CTNND2: variants seen among roughly 807,000 people sequenced by gnomAD.
The protein encoded by CTNND2 is catenin delta-2.
A neutral mutation model predicts 144.4 loss-of-function variants in CTNND2; 22 were observed. That is an observed-to-expected ratio of 0.15 (90% CI 0.11 to 0.22). The LOEUF (loss-of-function observed/expected upper bound fraction) is 0.22. Among genes scored for constraint, CTNND2 ranks in the 10% least tolerant of loss-of-function variants. The pLI is 1.00. For missense variants in CTNND2, 1,353 were observed against 1,618.8 expected, an observed-to-expected ratio of 0.84 and a Z score of 2.82; for synonymous variants, 751 against 695.6, an observed-to-expected ratio of 1.08 and a Z score of -1.25.
At chr5:11,271,270 G>A (rs932125160) in intron 9 of CTNND2, among the ~76,000 whole-genome samples, 1 of 152,084 alleles carries the variant, frequency 6.6e-6, no homozygotes, top group Non-Finnish European at 1.5e-5. Flanking sequence ...ACAACCTGTA[G>A]TTAAAAAATG....
At chr5:11,304,972 G>GA (rs1750036179) in intron 9 of CTNND2, among the ~76,000 whole-genome samples, 1 of 141,072 alleles carries the variant, frequency 7.1e-6, no homozygotes, top group South Asian at 2.3e-4. Flanking sequence ...TTGCTTGCTT[G>GA]CTGAATGAAT....
chr5:11,524,576 A>G (rs1014436216), intron 3 of CTNND2, among the ~76,000 whole-genome samples: 1 of 152,170 alleles, frequency 6.6e-6, no homozygotes. Context: ...CCCTGCTCAA[A>G]AGAATTTTAG....
intron 12 of CTNND2, among the ~76,000 whole-genome samples, chr5:11,132,805 T>A (rs1755753792): frequency 6.6e-6 from 1 of 152,114 alleles, no homozygotes; most frequent in African/African-American, 2.4e-5. Flanking sequence ...CCCCATAAGT[T>A]TAAATTGGAA....
At chr5:11,342,305 TA>T (rs1255436660) in intron 9 of CTNND2, among the ~76,000 whole-genome samples, 1 of 152,208 alleles carries the variant, frequency 6.6e-6, no homozygotes, top group Non-Finnish European at 1.5e-5. Context: ...CATAATTCCT[TA>T]AAAGTGCATA....
intron 1 of CTNND2, among the ~76,000 whole-genome samples, chr5:11,886,642 T>C (rs1736554512): frequency 6.6e-6 from 1 of 152,196 alleles, no homozygotes; most frequent in South Asian, 2.1e-4. Flanking sequence ...GTATTTACAT[T>C]TGCTAAATCT....
intron 1 of CTNND2, among the ~76,000 whole-genome samples, chr5:11,776,850 C>T (rs1790282476): frequency 6.6e-6 from 1 of 152,138 alleles, no homozygotes; most frequent in South Asian, 2.1e-4. Context: ...TCTGTATTTA[C>T]AAGTCCTTAA....
intron 1 of CTNND2, among the ~76,000 whole-genome samples, chr5:11,865,110 G>C (rs961501566): frequency 6.6e-6 from 1 of 151,942 alleles, no homozygotes. Flanking sequence ...GGTCAGGCTG[G>C]TCTCAAACTC....
At chr5:11,291,974 C>T (rs553977773) in intron 9 of CTNND2, among the ~76,000 whole-genome samples, 1 of 152,166 alleles carries the variant, frequency 6.6e-6, no homozygotes, top group African/African-American at 2.4e-5. Context: ...CACATCCTGA[C>T]CTATCCACCC....
chr5:11,270,621 T>G (rs1745901008), intron 9 of CTNND2, among the ~76,000 whole-genome samples: 1 of 152,178 alleles, frequency 6.6e-6, no homozygotes, highest in Admixed American at 6.5e-5. Flanking sequence ...GATCCCTGCT[T>G]CAACACATGG....
rs1187363028 is a variant in CTNND2, at chr5:11,412,105, A to T, written c.288-36T>A. 1.9e-6 allele frequency: 3 copies of T among 1,553,688 alleles called. No individual in the cohort carries two copies. In the Admixed American group the frequency reaches 5.0e-5, roughly 26 times the overall value. On this transcript the variant is annotated intron_variant, in intron 3 of 21. Transcript: ENST00000304623. ...GAAAATACAGAGATATAATGCATTGATTAGAAAAGAAAAATAAAACCCTAA... is the reference window on the plus strand; with the variant it reads ...GAAAATACAGAGATATAATGCATTGTTTAGAAAAGAAAAATAAAACCCTAA...
chr5:11,698,240 T>C (rs1213842822), intron 2 of CTNND2, among the ~76,000 whole-genome samples: 10 of 152,192 alleles, frequency 6.6e-5, no homozygotes, highest in Middle Eastern at 3.4e-3. Context: ...ATCTATCTGA[T>C]GCTGAAGATA....
chr5:11,220,714 T>C (rs145983693), intron 10 of CTNND2, among the ~76,000 whole-genome samples: 2 of 152,274 alleles, frequency 1.3e-5, no homozygotes, highest in African/African-American at 2.4e-5. Context: ...CCCGTCTCCA[T>C]AAATACTTAG....
intron 2 of CTNND2, among the ~76,000 whole-genome samples, chr5:11,692,749 C>T (rs907775373): frequency 7.2e-5 from 11 of 152,210 alleles, no homozygotes; most frequent in African/African-American, 2.4e-4. Flanking sequence ...TTTCAGGTGG[C>T]TGCCGCCATG....
Position 11,588,705 on chromosome 5 carries a change from C to T in CTNND2, c.175-23649G>A, listed in dbSNP as rs76479556. 2,372 of 958,518 alleles carry T rather than the reference C, an allele frequency of 2.5e-3. 55 individuals are homozygous for T. In the African/African-American group the frequency reaches 0.039, roughly 16 times the overall value. The allele number at this position is 958,518 out of a possible 1,614,324, so 59.4% of individuals were successfully genotyped here. On this transcript the variant is annotated intron_variant, in intron 2 of 21. Transcript: ENST00000304623. ...ATAATGAAAGCATTGAAAAACCAAA[C>T]GCGGTTAGTTTTCACTTTTTGTCTT...
intron 3 of CTNND2, 142 bp from the exon 4 acceptor site, chr5:11,412,211 T>C: frequency 1.6e-6 from 1 of 635,828 alleles, no homozygotes; most frequent in Non-Finnish European, 2.8e-6. Context: ...GAAAAGGGAT[T>C]CCACTTTGAT....
intron 18 of CTNND2, among the ~76,000 whole-genome samples, chr5:11,014,764 G>A (rs1741435784): frequency 6.6e-6 from 1 of 152,130 alleles, no homozygotes; most frequent in Non-Finnish European, 1.5e-5. Context: ...CTGTACCTGG[G>A]TTCGACAAGA....
chr5:11,550,474 A>C (rs948556379), intron 3 of CTNND2, among the ~76,000 whole-genome samples: 1 of 152,218 alleles, frequency 6.6e-6, no homozygotes, highest in African/African-American at 2.4e-5. Flanking sequence ...TTAATTGTTA[A>C]ATTTCGAGGA....
chr5:11,282,190 A>G (rs1480209510), intron 9 of CTNND2, among the ~76,000 whole-genome samples: 1 of 152,162 alleles, frequency 6.6e-6, no homozygotes, highest in Non-Finnish European at 1.5e-5. Flanking sequence ...TCAGAATATC[A>G]GCACGATCAG....
chr5:11,121,991 G>A (rs1754188180), intron 12 of CTNND2, among the ~76,000 whole-genome samples: 1 of 152,208 alleles, frequency 6.6e-6, no homozygotes, highest in African/African-American at 2.4e-5. Context: ...CTGGAGAGTA[G>A]AAAGCGTGTC....
Sources: gnomAD v4.1 joint callset for allele counts (sites outside exome capture counted in the v4.1 genomes callset) on GRCh38, gnomAD v4.1.1 for gene constraint, MANE v1.5 for transcripts, NCBI Gene and HGNC (gene_info 2026-07-23, HGNC 2026-07-21) for gene names.